The following ETV1 variants were observed in gnomAD, a reference collection of about 807,000 sequenced individuals.
The protein encoded by ETV1 is ETS translocation variant 1.
ETV1 carries 27 observed loss-of-function variants against 62.3 expected under a neutral mutation model. The ratio of observed to expected loss-of-function variants is 0.43; its 90% CI spans 0.32 to 0.60. The LOEUF (loss-of-function observed/expected upper bound fraction) is 0.60, where lower values mean the gene tolerates loss of function less well. ETV1 is among the 20% of genes least tolerant of loss of function. The probability of loss-of-function intolerance (pLI) is 0.06; values close to 1 mark genes in which losing one functional copy is unlikely to be tolerated. For missense variants in ETV1, 605 were observed against 605.8 expected, an observed-to-expected ratio of 1.00 and a Z score of 0.01; for synonymous variants, 222 against 199.6, an observed-to-expected ratio of 1.11 and a Z score of -0.94.
rs1781729877 is a variant in ETV1 at position 13,895,935 on chromosome 7, C to G, written c.1365G>C (p.Glu455Asp). Reference sequence around the variant, plus strand: ...CCCCTTCCGGCATGTAGGCCATGCTCTCATCAAAGTGAGAAAGAGGCACTG... The same window carrying G: ...CCCCTTCCGGCATGTAGGCCATGCTGTCATCAAAGTGAGAAAGAGGCACTG... ...EDTVPLSHFD[E>D]SMAYMPEGGC... The change falls in exon 14 of 14, where the codon GAG becomes GAC. Residue 455 changes from glutamate (E) to aspartate (D), a missense_variant. Around this residue, in one of 3 missense-constraint regions of ETV1, gnomAD observed 79 missense variants for 71.6 expected, o/e 1.10. Coordinates refer to ENST00000430479, the MANE Select transcript of ETV1 (RefSeq NM_004956.5). 2 of 1,613,622 alleles carry G rather than the reference C, an allele frequency of 1.2e-6. No individual in the cohort carries two copies. The highest frequency in any genetic ancestry group is 8.5e-7 in the Non-Finnish European group (1 of 1,179,818).
At chr7:13,929,126 G>C (rs1583666909) in intron 9 of ETV1, among the ~76,000 whole-genome samples, 1 of 152,144 alleles carries the variant, frequency 6.6e-6, no homozygotes, top group African/African-American at 2.4e-5. Context: ...TGGGGAATAA[G>C]GATAATATCA....
intron 9 of ETV1, among the ~76,000 whole-genome samples, chr7:13,930,727 CT>C (rs546722851): frequency 1.1e-3 from 166 of 152,264 alleles, no homozygotes; most frequent in Non-Finnish European, 2.0e-3. Context: ...TACGAATAAT[CT>C]GTTATTCCCC....
intron 5 of ETV1, chr7:13,986,133 G>A (rs758472065): frequency 1.3e-6 from 2 of 1,591,556 alleles, no homozygotes; most frequent in South Asian, 1.1e-5. Context: ...TCTGTGTTGT[G>A]AACAAGGTGG....
intron 5 of ETV1, 25 bp downstream of exon 5, chr7:13,986,613 C>G (rs758348956): frequency 5.0e-6 from 8 of 1,610,232 alleles, no homozygotes; most frequent in Non-Finnish European, 6.8e-6. Flanking sequence ...TGCTTTCCCC[C>G]CTTTTAAAGC....
Position 13,894,297 on chromosome 7 carries a change from T to A in ETV1, c.*1569A>T. On this transcript the variant is annotated 3_prime_UTR_variant, in exon 14 of 14. Transcript: ENST00000430479. The stretch of plus-strand genomic sequence containing the variant: ...GAGATTCTATATCCCCATTTACTCA[T>A]GGTTTTTTCAAGGTGAATGAAACAA... 4.3e-6 allele frequency: 1 copy of A among 232,836 alleles called. No individual in the cohort carries two copies. Among genetic ancestry groups the A allele is most frequent in the Non-Finnish European group, 8.5e-6 (1 of 117,698 alleles). 14.4% of individuals were successfully genotyped at this position (232,836 alleles called of 1,614,324 possible).
chr7:13,975,030 C>T (rs1457891824), intron 6 of ETV1: 4 of 152,448 alleles, frequency 2.6e-5, no homozygotes, highest in Admixed American at 6.5e-5. Context: ...TGGAAGACAT[C>T]GCTGTTCAAA....
chr7:13,931,446 T>C, intron 9 of ETV1, 56 bp downstream of exon 9: 1 of 1,604,952 alleles, frequency 6.2e-7, no homozygotes, highest in Non-Finnish European at 8.5e-7. Flanking sequence ...CTAACCAATG[T>C]GACAAGGGAG....
chr7:13,988,242 G>A (rs73054127), intron 3 of ETV1, 69 bp from the exon 4 acceptor site: 8,456 of 722,614 alleles, frequency 0.012, 56 homozygotes, highest in Non-Finnish European at 0.017. Flanking sequence ...ACACGCGCGC[G>A]CACACACACA....
rs897259352 is a variant in ETV1, at chr7:13,908,353, G to A, written c.940+1279C>T. 2.6e-5 allele frequency among the ~76,000 whole-genome samples: 4 copies of A among 151,878 alleles called. No individual in the cohort carries two copies. The East Asian group carries it at 5.8e-4, about 22-fold the overall frequency. On this transcript the variant is annotated intron_variant, in intron 11 of 13. Transcript: ENST00000430479. ...TTTGAGATATTTTTCTTTCTTATAT[G>A]CCCTTACTAATTTTCAAGATCTCTG...
intron 5 of ETV1, among the ~76,000 whole-genome samples, chr7:13,980,675 T>G (rs1781889344): frequency 6.6e-6 from 1 of 152,102 alleles, no homozygotes. Context: ...ATCAGTTCAT[T>G]GCACGTTAAT....
chr7:13,958,445 C>T (rs1312564080), intron 6 of ETV1, among the ~76,000 whole-genome samples: 3 of 152,138 alleles, frequency 2.0e-5, no homozygotes, highest in Non-Finnish European at 4.4e-5. Context: ...TGGTCTTGTC[C>T]CAACTTAATA....
Position 13,989,131 on chromosome 7 carries a change from T to C in ETV1, c.-79A>G. The stretch of plus-strand genomic sequence containing the variant: ...TGGAGATTTCCTCAGGATCTGGACT[T>C]CTATCAACCTAGAGGGGAACAAGAT... On this transcript the variant is annotated 5_prime_UTR_variant, in exon 3 of 14. Coordinates refer to ENST00000430479, the MANE Select transcript of ETV1 (RefSeq NM_004956.5). 8.0e-7 allele frequency: 1 copy of C among 1,252,184 alleles called. No individual in the cohort carries two copies. Among genetic ancestry groups the C allele is most frequent in the Non-Finnish European group, 1.1e-6 (1 of 876,564 alleles). 77.6% of individuals were successfully genotyped at this position (1,252,184 alleles called of 1,614,324 possible).
intron 7 of ETV1, 28 bp from the exon 8 acceptor site, chr7:13,935,924 C>T: frequency 5.3e-6 from 8 of 1,518,016 alleles, no homozygotes; most frequent in Non-Finnish European, 6.2e-6. Context: ...GAAGAGAGAA[C>T]ATTTCTTTCT....
At position 13,894,940 on chromosome 7, in the gene ETV1, G is replaced by A; in HGVS notation, c.*926C>T. 1 of 232,812 alleles carries A rather than the reference G, an allele frequency of 4.3e-6. No individual in the cohort carries two copies. Among genetic ancestry groups the A allele is most frequent in the Admixed American group, 5.6e-5 (1 of 17,776 alleles). The allele number at this position is 232,812 out of a possible 1,614,324, so 14.4% of individuals were successfully genotyped here. On this transcript the variant is annotated 3_prime_UTR_variant, in exon 14 of 14. Transcript: ENST00000430479. ...ACAGCATAATACATGATTTAGTACA[G>A]TTAATTCTTATTGATTAAATAATGT...
rs1281749347 is a variant in ETV1, at chr7:13,894,992, G to C, written c.*874C>G. ...TTTATGTACTGAAGAAAGTGAAAAG[G>C]AGACAGATATTTTTTGCTTCATTTT... is the stretch of plus-strand genomic sequence containing the variant. On this transcript the variant is annotated 3_prime_UTR_variant, in exon 14 of 14. Transcript: ENST00000430479. The C allele has an allele frequency of 4.3e-6, 1 of 232,998 alleles. No individual in the cohort carries two copies. Among genetic ancestry groups the C allele is most frequent in the African/African-American group, 2.2e-5 (1 of 45,306 alleles). The allele number at this position is 232,998 out of a possible 1,614,324, so 14.4% of individuals were successfully genotyped here.
At chr7:13,923,862 G>A (rs141986442) in intron 9 of ETV1, among the ~76,000 whole-genome samples, 5 of 151,972 alleles carry the variant, frequency 3.3e-5, no homozygotes, top group East Asian at 1.9e-4. Flanking sequence ...GAGAAACTCC[G>A]TCTCTACTAA....
At chr7:13,896,196 C>A in intron 13 of ETV1, 109 bp from the exon 14 acceptor site, 1 of 772,302 alleles carries the variant, frequency 1.3e-6, no homozygotes. Context: ...GGATGGGTAA[C>A]TCTGGCCCAA....
At chr7:13,960,602 T>C (rs1410557924) in intron 6 of ETV1, among the ~76,000 whole-genome samples, 1 of 152,070 alleles carries the variant, frequency 6.6e-6, no homozygotes, top group East Asian at 1.9e-4. Flanking sequence ...AATTTATAAA[T>C]TTATAAAATT....
At chr7:13,915,716 T>G (rs1784080224) in intron 9 of ETV1, among the ~76,000 whole-genome samples, 1 of 152,172 alleles carries the variant, frequency 6.6e-6, no homozygotes, top group South Asian at 2.1e-4. Context: ...TTGAGAAAAC[T>G]TATTTCATAA....
Sources: allele counts gnomAD v4.1 joint callset (sites outside exome capture counted in the v4.1 genomes callset), GRCh38; gene constraint gnomAD v4.1.1; regional missense constraint gnomAD v4.1.1; transcripts MANE v1.5; gene names NCBI Gene and HGNC (gene_info 2026-07-23, HGNC 2026-07-21).